SLIT2: variants seen among roughly 807,000 people sequenced by gnomAD.
SLIT2 encodes the protein slit guidance ligand 2.
Under a neutral mutation model 185.7 loss-of-function variants are expected in SLIT2, and 41 were observed. The ratio of observed to expected loss-of-function variants is 0.22; its 90% CI spans 0.17 to 0.29. The LOEUF (loss-of-function observed/expected upper bound fraction) is 0.29, where lower values mean the gene tolerates loss of function less well. Among genes scored for constraint, SLIT2 ranks in the 10% least tolerant of loss-of-function variants. The pLI, the probability that SLIT2 is intolerant of heterozygous loss-of-function variation, is 1.00. For missense variants in SLIT2, 1,571 were observed against 1,909.0 expected (o/e 0.82, Z 3.30); for synonymous variants, 693 against 680.2 (o/e 1.02, Z -0.29).
At chr4:20,368,918 A>G (rs931276975) in intron 4 of SLIT2, among the ~76,000 whole-genome samples, 5 of 152,108 alleles carry the variant, frequency 3.3e-5, no homozygotes, top group African/African-American at 1.2e-4. Context: ...AAAAAATACT[A>G]TTCTGCTTTA....
chr4:20,398,822 T>G (rs936473652), intron 4 of SLIT2, among the ~76,000 whole-genome samples: 6 of 151,850 alleles, frequency 4.0e-5, no homozygotes, highest in African/African-American at 1.4e-4. Context: ...TTGTTAACAT[T>G]TGTGATATAT....
At chr4:20,358,958 A>G (rs544419592) in intron 4 of SLIT2, among the ~76,000 whole-genome samples, 1 of 152,234 alleles carries the variant, frequency 6.6e-6, no homozygotes, top group Non-Finnish European at 1.5e-5. Context: ...TTGGGTTCTT[A>G]ACATAAATAG....
intron 25 of SLIT2, among the ~76,000 whole-genome samples, chr4:20,551,605 C>G (rs1205293383): frequency 6.6e-6 from 1 of 152,110 alleles, no homozygotes; most frequent in Non-Finnish European, 1.5e-5. Context: ...CAGCCAGCAG[C>G]CTTAGGATCC....
At chr4:20,259,500 C>T (rs1266969679) in intron 3 of SLIT2, among the ~76,000 whole-genome samples, 2 of 151,640 alleles carry the variant, frequency 1.3e-5, no homozygotes, top group African/African-American at 4.8e-5. Flanking sequence ...TATGCAGTCT[C>T]TATTTTGGTT....
intron 33 of SLIT2, among the ~76,000 whole-genome samples, chr4:20,608,989 T>C (rs1324795364): frequency 6.6e-6 from 1 of 152,200 alleles, no homozygotes; most frequent in African/African-American, 2.4e-5. Flanking sequence ...ATGCCATGTT[T>C]TTCCTGTATA....
At chr4:20,461,439 G>A (rs528458242) in intron 4 of SLIT2, among the ~76,000 whole-genome samples, 1 of 152,242 alleles carries the variant, frequency 6.6e-6, no homozygotes, top group East Asian at 1.9e-4. Flanking sequence ...TCAGATTTTG[G>A]GGGGAATTTG....
At chr4:20,581,711 T>C (rs1312654351) in intron 29 of SLIT2, among the ~76,000 whole-genome samples, 1 of 152,142 alleles carries the variant, frequency 6.6e-6, no homozygotes, top group Non-Finnish European at 1.5e-5. Context: ...TTATGCAATC[T>C]GCCATCCTCC....
chr4:20,536,731 C>T (rs924666002), intron 18 of SLIT2, among the ~76,000 whole-genome samples: 2 of 151,624 alleles, frequency 1.3e-5, no homozygotes, highest in Admixed American at 6.6e-5. Flanking sequence ...TGTAATAACA[C>T]TTAGCTTAAA....
chr4:20,257,941 T>C lies in SLIT2; in HGVS notation c.323+2T>C. On this transcript the variant is annotated splice_donor_variant, in intron 3 of 36. Coordinates refer to ENST00000504154, the MANE Select transcript of SLIT2 (RefSeq NM_004787.4). LOFTEE classifies it high-confidence loss of function. ...GGATCTTAAAGAACTAGAGAGACTG[T>C]AAGTATTTTCAATTCCAAAGTTATG... 1 of 1,413,326 alleles carries C rather than the reference T, an allele frequency of 7.1e-7. No individual in the cohort carries two copies. Among genetic ancestry groups the C allele is most frequent in the Non-Finnish European group, 9.9e-7 (1 of 1,009,106 alleles). The allele number at this position is 1,413,326 out of a possible 1,614,324, so 87.5% of individuals were successfully genotyped here.
intron 12 of SLIT2, 29 bp from the exon 13 acceptor site, chr4:20,523,731 T>G: frequency 7.5e-6 from 12 of 1,607,586 alleles, no homozygotes; most frequent in Non-Finnish European, 1.0e-5. Flanking sequence ...GATGCTACAC[T>G]TTAATTCTAC....
At position 20,528,872 on chromosome 4, in the gene SLIT2, C is replaced by T; in HGVS notation, c.1463-77C>T. 1 of 1,220,510 alleles carries T rather than the reference C, an allele frequency of 8.2e-7. No individual in the cohort carries two copies. The highest frequency in any genetic ancestry group is 1.1e-6 in the Non-Finnish European group (1 of 873,940). 75.6% of individuals were successfully genotyped at this position (1,220,510 alleles called of 1,614,324 possible). A position where few individuals can be genotyped will look rare whatever the true frequency, so the allele number is the denominator to read the frequency against. ...TGCTACATAATCTATAGTTATCTTACTTTTTTCTTCCTACAAACTAATAAA... is the reference window on the plus strand; with the variant it reads ...TGCTACATAATCTATAGTTATCTTATTTTTTTCTTCCTACAAACTAATAAA... On this transcript the variant is annotated intron_variant, in intron 15 of 36. Transcript: ENST00000504154. This position sits in a 1 kb window ranked among gnomAD's most constrained non-coding sequence, Gnocchi z 4.2.
intron 4 of SLIT2, among the ~76,000 whole-genome samples, chr4:20,285,443 C>G (rs1431508441): frequency 3.9e-5 from 6 of 152,232 alleles, no homozygotes; most frequent in Non-Finnish European, 2.9e-5. Context: ...CAAATCAGAA[C>G]ACCTCCTTTA....
chr4:20,565,243 G>A (rs1870260), intron 26 of SLIT2, among the ~76,000 whole-genome samples: 6,497 of 152,018 alleles, frequency 0.043, 205 homozygotes, highest in East Asian at 0.14. Context: ...TCTCGAGGCC[G>A]TGGGATGTGG....
At chr4:20,613,274 T>G (rs1729381976) in intron 34 of SLIT2, among the ~76,000 whole-genome samples, 1 of 152,162 alleles carries the variant, frequency 6.6e-6, no homozygotes, top group Non-Finnish European at 1.5e-5. Flanking sequence ...AATTCTAGAC[T>G]GGATAAAGAA....
rs1041238785 is a variant in SLIT2 at position 20,492,000 on chromosome 4, A to G, written c.914+101A>G. On this transcript the variant is annotated intron_variant, in intron 9 of 36. Coordinates refer to ENST00000504154, the MANE Select transcript of SLIT2 (RefSeq NM_004787.4). ...AGTTTATCGAAGGCACATCTGATCA[A>G]TTGGCTTAGACAAATGTTCTCTTCA... 1.5e-5 allele frequency: 17 copies of G among 1,110,998 alleles called. No individual in the cohort carries two copies. The African/African-American group carries it at 2.5e-4, about 16-fold the overall frequency. The allele number at this position is 1,110,998 out of a possible 1,614,324, so 68.8% of individuals were successfully genotyped here. A position where few individuals can be genotyped will look rare whatever the true frequency, so the allele number is the denominator to read the frequency against.
intron 4 of SLIT2, among the ~76,000 whole-genome samples, chr4:20,322,264 C>T (rs903048199): frequency 2.0e-5 from 3 of 152,122 alleles, no homozygotes; most frequent in African/African-American, 7.2e-5. Flanking sequence ...ATGACATGTG[C>T]CCAAGGTGGT....
At chr4:20,368,219 C>G (rs1467090642) in intron 4 of SLIT2, among the ~76,000 whole-genome samples, 1 of 107,430 alleles carries the variant, frequency 9.3e-6, no homozygotes, top group Admixed American at 9.9e-5. Context: ...CACAAAATAG[C>G]AAAAAAAAAA....
intron 4 of SLIT2, among the ~76,000 whole-genome samples, chr4:20,313,879 G>T (rs904668625): frequency 1.3e-5 from 2 of 152,132 alleles, no homozygotes; most frequent in South Asian, 4.1e-4. Context: ...TGGGCAACCC[G>T]CTCCTCACAG....
At chr4:20,298,892 T>A (rs935778327) in intron 4 of SLIT2, among the ~76,000 whole-genome samples, 19 of 152,320 alleles carry the variant, frequency 1.2e-4, no homozygotes, top group African/African-American at 4.6e-4. Context: ...TGAGGCAATA[T>A]CAGAGAGGTT....
Sources: allele counts gnomAD v4.1 joint callset (sites outside exome capture counted in the v4.1 genomes callset), GRCh38; gene constraint gnomAD v4.1.1; non-coding constraint Gnocchi (gnomAD v3.1); transcripts MANE v1.5; gene names NCBI Gene and HGNC (gene_info 2026-07-23, HGNC 2026-07-21).